PPP2R2C: variants seen among roughly 807,000 people sequenced by gnomAD.
The protein encoded by PPP2R2C is protein phosphatase 2 regulatory subunit Bgamma.
Under a neutral mutation model 45.3 loss-of-function variants are expected in PPP2R2C, and 10 were observed. The observed-to-expected ratio is 0.22, with a 90% CI of 0.14 to 0.37. PPP2R2C has a LOEUF of 0.37. PPP2R2C is among the 10% of genes least tolerant of loss of function. The probability of loss-of-function intolerance (pLI) is 1.00; values close to 1 mark genes in which losing one functional copy is unlikely to be tolerated. For missense variants in PPP2R2C, 308 were observed against 619.7 expected (o/e 0.50, Z 5.34); for synonymous variants, 257 against 245.4 (o/e 1.05, Z -0.44).
chr4:6,365,579 C>T (rs1714229034), intron 5 of PPP2R2C, among the ~76,000 whole-genome samples: 1 of 152,180 alleles, frequency 6.6e-6, no homozygotes, highest in South Asian at 2.1e-4. Context: ...AGCCTGGGCT[C>T]AGGGTCCCTT....
chr4:6,440,314 C>A (rs550511107), intron 1 of PPP2R2C, among the ~76,000 whole-genome samples: 1 of 152,212 alleles, frequency 6.6e-6, no homozygotes, highest in African/African-American at 2.4e-5. Context: ...GAGTTCTAAC[C>A]TTTAGAGTTT....
intron 1 of PPP2R2C, among the ~76,000 whole-genome samples, chr4:6,556,325 C>G (rs1181790779): frequency 1.3e-5 from 2 of 152,138 alleles, no homozygotes; most frequent in East Asian, 1.9e-4. Context: ...AATTCACTCT[C>G]TCTGTCTGTC....
At chr4:6,511,774 G>T (rs201346416) in intron 2 of PPP2R2C, among the ~76,000 whole-genome samples, 3 of 33,016 alleles carry the variant, frequency 9.1e-5, no homozygotes, top group Non-Finnish European at 2.2e-4. Flanking sequence ...GATGGTGATG[G>T]TGGTAATGGT....
At chr4:6,425,584 T>C (rs2109400423) in intron 1 of PPP2R2C, among the ~76,000 whole-genome samples, 1 of 152,308 alleles carries the variant, frequency 6.6e-6, no homozygotes, top group South Asian at 2.1e-4. Context: ...CTGAGGCTTT[T>C]GGTTTATGAC....
intron 2 of PPP2R2C, among the ~76,000 whole-genome samples, chr4:6,533,448 C>T (rs552439498): frequency 6.6e-6 from 1 of 152,312 alleles, no homozygotes; most frequent in Non-Finnish European, 1.5e-5. Flanking sequence ...ACAAAAGGTG[C>T]CCCAGCACAG....
intron 1 of PPP2R2C, among the ~76,000 whole-genome samples, chr4:6,549,522 C>T (rs939780209): frequency 1.3e-5 from 2 of 152,202 alleles, no homozygotes; most frequent in Non-Finnish European, 2.9e-5. Context: ...TGCCCCTCAC[C>T]TGTGCCTTCC....
At chr4:6,341,449 C>T (rs1733441797) in intron 6 of PPP2R2C, among the ~76,000 whole-genome samples, 1 of 151,928 alleles carries the variant, frequency 6.6e-6, no homozygotes, top group South Asian at 2.1e-4. Context: ...AGGCATGAGA[C>T]TCTCTGAGGC....
At chr4:6,493,867 G>T (rs1288138405) in intron 2 of PPP2R2C, among the ~76,000 whole-genome samples, 5 of 152,174 alleles carry the variant, frequency 3.3e-5, no homozygotes, top group Admixed American at 2.0e-4. Flanking sequence ...CACAGCCTCG[G>T]TGTATTCTGT....
intron 5 of PPP2R2C, among the ~76,000 whole-genome samples, chr4:6,370,595 C>G (rs532414950): frequency 1.1e-3 from 172 of 152,334 alleles, no homozygotes; most frequent in South Asian, 2.3e-3. Flanking sequence ...GAACTGGTCT[C>G]GTTTCTCCTG....
chr4:6,384,007 C>T, intron 1 of PPP2R2C: 2 of 985,616 alleles, frequency 2.0e-6, no homozygotes, highest in Non-Finnish European at 2.4e-6. Flanking sequence ...AAGACAGATG[C>T]ACATGTCACT....
intron 2 of PPP2R2C, among the ~76,000 whole-genome samples, chr4:6,530,342 T>C (rs886236869): frequency 1.3e-5 from 2 of 152,120 alleles, no homozygotes; most frequent in African/African-American, 4.8e-5. Context: ...ACGCGACGTA[T>C]GTAGAAGCGT....
chr4:6,432,787 C>G (rs1340686549), intron 1 of PPP2R2C, among the ~76,000 whole-genome samples: 1 of 152,116 alleles, frequency 6.6e-6, no homozygotes, highest in Non-Finnish European at 1.5e-5. Context: ...CTTTCAGAGC[C>G]TCTTGGATTT....
intron 6 of PPP2R2C, among the ~76,000 whole-genome samples, chr4:6,346,198 G>A (rs554604314): frequency 4.1e-4 from 63 of 152,170 alleles, no homozygotes; most frequent in South Asian, 2.5e-3. Flanking sequence ...CTGCTCCCCC[G>A]GGGACCCTCT....
chr4:6,559,577 G>A, intron 1 of PPP2R2C, among the ~76,000 whole-genome samples: 1 of 152,190 alleles, frequency 6.6e-6, no homozygotes, highest in Middle Eastern at 3.4e-3. Context: ...CCCTGCTGTG[G>A]ACTGGATGCT....
In PPP2R2C at chr4:6,329,146, A is replaced by T. The variant is rs949825408; in HGVS notation, c.1052+116T>A. The T allele has an allele frequency of 2.2e-6, 2 of 913,818 alleles. No individual in the cohort carries two copies. The highest frequency in any genetic ancestry group is 3.3e-5 in the African/African-American group (2 of 61,124). The allele number at this position is 913,818 out of a possible 1,614,324, so 56.6% of individuals were successfully genotyped here. ...GCGTGGGCTTCACCCAGACACCTGG[A>T]CCCATTGAGGCTGAGTAGCCCCATG... is the stretch of plus-strand genomic sequence containing the variant. On this transcript the variant is annotated intron_variant, in intron 8 of 8. Coordinates refer to ENST00000382599, the MANE Select transcript of PPP2R2C (RefSeq NM_020416.4). The surrounding 1 kb of genome is among the most constrained non-coding windows in gnomAD (Gnocchi z 5.8).
At chr4:6,385,467 C>G (rs899933069) in intron 1 of PPP2R2C, among the ~76,000 whole-genome samples, 1 of 152,194 alleles carries the variant, frequency 6.6e-6, no homozygotes, top group Non-Finnish European at 1.5e-5. Context: ...GATTATCTGA[C>G]ATTTCCAGCT....
At chr4:6,465,488 C>T (rs1294619177) in intron 1 of PPP2R2C, among the ~76,000 whole-genome samples, 1 of 152,192 alleles carries the variant, frequency 6.6e-6, no homozygotes, top group East Asian at 1.9e-4. Flanking sequence ...TCCAGCAGAG[C>T]AGGGCCAACC....
chr4:6,366,749 G>A (rs1396436663), intron 5 of PPP2R2C, among the ~76,000 whole-genome samples: 5 of 152,180 alleles, frequency 3.3e-5, no homozygotes, highest in Admixed American at 1.3e-4. Flanking sequence ...GGATGGCAGT[G>A]CTCCACCCCA....
chr4:6,495,522 C>T (rs1182977355), intron 2 of PPP2R2C, among the ~76,000 whole-genome samples: 1 of 152,222 alleles, frequency 6.6e-6, no homozygotes, highest in Non-Finnish European at 1.5e-5. Context: ...CTATGTCCTC[C>T]TGGTGAGGGA....
Sources: gnomAD v4.1 joint callset for allele counts (sites outside exome capture counted in the v4.1 genomes callset) on GRCh38, gnomAD v4.1.1 for gene constraint, Gnocchi (gnomAD v3.1) non-coding constraint, MANE v1.5 for transcripts, NCBI Gene and HGNC (gene_info 2026-07-23, HGNC 2026-07-21) for gene names.